SMYD2: variants seen among roughly 807,000 people sequenced by gnomAD.
SMYD2 encodes the protein N-lysine methyltransferase SMYD2.
A neutral mutation model predicts 59.1 loss-of-function variants in SMYD2; 53 were observed. The ratio of observed to expected loss-of-function variants is 0.90; its 90% confidence interval spans 0.72 to 1.13. The LOEUF is 1.13. SMYD2 is among the 50% of genes most tolerant of loss of function. The pLI is 0.00. For synonymous variants in SMYD2, 208 were observed against 198.8 expected (o/e 1.05, Z -0.39); for missense variants, 494 against 544.7 (o/e 0.91, Z 0.93).
chr1:214,336,233 T>C (rs1219432566), intron 11 of SMYD2, among the ~76,000 whole-genome samples: 3 of 152,090 alleles, frequency 2.0e-5, no homozygotes, highest in Non-Finnish European at 2.9e-5. Flanking sequence ...GTCTTCTCCT[T>C]TTTTAAAAAA....
intron 1 of SMYD2, among the ~76,000 whole-genome samples, chr1:214,297,833 T>C (rs1656758683): frequency 6.6e-6 from 1 of 152,230 alleles, no homozygotes; most frequent in Non-Finnish European, 1.5e-5. Context: ...TTTTCTTCTC[T>C]GCTCTGAAGG....
At chr1:214,315,153 AC>A (rs757604125) in intron 3 of SMYD2, among the ~76,000 whole-genome samples, 1 of 152,204 alleles carries the variant, frequency 6.6e-6, no homozygotes, top group Non-Finnish European at 1.5e-5. Context: ...GAAATACGTG[AC>A]ATGAAAAGCC....
Position 214,318,745 on chromosome 1 carries a change from T to TG in SMYD2, c.410-111dup. The TG allele has an allele frequency of 1.6e-5, 20 of 1,263,136 alleles. No individual in the cohort carries two copies. The South Asian group carries it at 2.2e-4, about 14-fold the overall frequency. The allele number at this position is 1,263,136 out of a possible 1,614,324, so 78.2% of individuals were successfully genotyped here. A position where few individuals can be genotyped will look rare whatever the true frequency, so the allele number is the denominator to read the frequency against. ...CTCTGGGGGTTCAACATGTTAGTTT[T>TG]GGGTTTTTTTTTTTTCGCCCGTTCC... On this transcript the variant is annotated intron_variant, in intron 4 of 11. Coordinates refer to ENST00000366957, the MANE Select transcript of SMYD2 (RefSeq NM_020197.3). The surrounding 1 kb of genome is among the most constrained non-coding windows in gnomAD (Gnocchi z 5.4).
intron 5 of SMYD2, among the ~76,000 whole-genome samples, chr1:214,322,849 G>A (rs776232547): frequency 6.6e-6 from 1 of 152,158 alleles, no homozygotes; most frequent in Non-Finnish European, 1.5e-5. Context: ...TAGTGATATT[G>A]CGGATTTATG....
intron 2 of SMYD2, among the ~76,000 whole-genome samples, chr1:214,308,506 G>A (rs1222067561): frequency 6.6e-6 from 1 of 152,192 alleles, no homozygotes; most frequent in African/African-American, 2.4e-5. Context: ...TTAAGGGAGT[G>A]CTTGCATGGG....
intron 1 of SMYD2, among the ~76,000 whole-genome samples, chr1:214,286,468 T>TA (rs1040964751): frequency 5.3e-5 from 8 of 151,334 alleles, no homozygotes; most frequent in Non-Finnish European, 8.8e-5. Flanking sequence ...CCCTGTCTCT[T>TA]AAAAAAAATA....
chr1:214,317,969 C>A lies in SMYD2; in HGVS notation c.349-110C>A. On this transcript the variant is annotated intron_variant, in intron 3 of 11. Coordinates refer to ENST00000366957, the MANE Select transcript of SMYD2 (RefSeq NM_020197.3). ...AGTCCTTGAGTAGCTTGTTTTACTT[C>A]CTTAAGAATTGTTACTTTTTCTTTA... The A allele has an allele frequency of 5.7e-6, 6 of 1,045,756 alleles. No individual in the cohort carries two copies. The South Asian group carries it at 6.5e-5, about 11-fold the overall frequency. 64.8% of individuals were successfully genotyped at this position (1,045,756 alleles called of 1,614,324 possible). A position where few individuals can be genotyped will look rare whatever the true frequency, so the allele number is the denominator to read the frequency against.
At chr1:214,311,907 T>A (rs1322934185) in intron 2 of SMYD2, among the ~76,000 whole-genome samples, 1 of 152,114 alleles carries the variant, frequency 6.6e-6, no homozygotes, top group Non-Finnish European at 1.5e-5. Context: ...CTATAGTTGT[T>A]AATGATCCAT....
At chr1:214,334,459 C>A (rs1392395600) in intron 11 of SMYD2, 151 bp downstream of exon 11, 1 of 694,030 alleles carries the variant, frequency 1.4e-6, no homozygotes, top group Admixed American at 2.5e-5. Flanking sequence ...GGGGTGGGTC[C>A]TGCAGGTGAG....
chr1:214,322,759 C>T (rs1185106410), intron 5 of SMYD2, among the ~76,000 whole-genome samples: 1 of 152,164 alleles, frequency 6.6e-6, no homozygotes, highest in African/African-American at 2.4e-5. Context: ...TTTACATATC[C>T]TTGAGCAAGT....
chr1:214,314,734 TTAA>T (rs773812118), intron 2 of SMYD2, 25 bp from the exon 3 acceptor site: 1 of 1,562,066 alleles, frequency 6.4e-7, no homozygotes, highest in Non-Finnish European at 8.8e-7. Flanking sequence ...GTGCTATTTT[TTAA>T]TAATGTTTTT....
At chr1:214,315,430 AAG>A (rs1657069683) in intron 3 of SMYD2, among the ~76,000 whole-genome samples, 1 of 152,318 alleles carries the variant, frequency 6.6e-6, no homozygotes, top group African/African-American at 2.4e-5. Flanking sequence ...TAAAAAAAAA[AAG>A]TGAAGAAGAA....
At chr1:214,315,770 A>G (rs1657075916) in intron 3 of SMYD2, among the ~76,000 whole-genome samples, 1 of 152,226 alleles carries the variant, frequency 6.6e-6, no homozygotes, top group Non-Finnish European at 1.5e-5. Context: ...CAAGGATGCT[A>G]TGCAAATCTG....
rs113600849 is a variant in SMYD2 at position 214,334,084 on chromosome 1, C to A, written c.1113-116C>A. The A allele has an allele frequency of 3.8e-3, 3,118 of 831,386 alleles. 101 individuals are homozygous for A. In the South Asian group the frequency reaches 0.048, roughly 13 times the overall value. 51.5% of individuals were successfully genotyped at this position (831,386 alleles called of 1,614,324 possible). On this transcript the variant is annotated intron_variant, in intron 10 of 11. Coordinates refer to ENST00000366957, the MANE Select transcript of SMYD2 (RefSeq NM_020197.3). ...AAACCCTGGTGGGATTTGGAGAGGC[C>A]GCTGGTGGGCAGAGGTTGGCCCTAA...
rs1553254476 is a variant in SMYD2 at position 214,299,465 on chromosome 1, T to TATATATATATATATATATA, written c.174-5722_174-5721insATATATATATATATATATA. On this transcript the variant is annotated intron_variant, in intron 1 of 11. Transcript: ENST00000366957. ...AACAGTGAACTGGATAAAGAAAACA[T>TATATATATATATATATATA]TATATATATATATATATACACCATA... Among the ~76,000 whole-genome samples, 46 of 71,570 alleles carry TATATATATATATATATATA rather than the reference T, an allele frequency of 6.4e-4. 1 individual carries two copies. The highest frequency in any genetic ancestry group is 2.1e-3 in the South Asian group (5 of 2,426). 47.0% of individuals were successfully genotyped at this position (71,570 alleles called of 152,430 possible). A position where few individuals can be genotyped will look rare whatever the true frequency, so the allele number is the denominator to read the frequency against.
At chr1:214,297,028 A>G (rs1224622348) in intron 1 of SMYD2, among the ~76,000 whole-genome samples, 2 of 152,244 alleles carry the variant, frequency 1.3e-5, no homozygotes, top group African/African-American at 2.4e-5. Context: ...AGAAAAATCT[A>G]AACAATCTGC....
In SMYD2 at chr1:214,324,683, C is replaced by A; in HGVS notation, c.577C>A (p.His193Asn). The A allele has an allele frequency of 6.2e-7, 1 of 1,613,238 alleles. No individual in the cohort carries two copies. Among genetic ancestry groups the A allele is most frequent in the South Asian group, 1.1e-5 (1 of 90,766 alleles). Residue 193 changes from histidine to asparagine, a missense_variant, in exon 6 of 12, where the codon CAT becomes AAT. Transcript: ENST00000366957. ...GFTIEDEELS[H>N]LGSAIFPDVA... is the part of the protein sequence containing the mutation. ...CACAATTGAAGATGAAGAACTTTCT[C>A]ATTTGGGATCAGCGATATTTCCTGA...
intron 6 of SMYD2, among the ~76,000 whole-genome samples, chr1:214,326,212 T>C (rs1657258819): frequency 7.2e-6 from 1 of 138,394 alleles, no homozygotes; most frequent in African/African-American, 2.8e-5. Flanking sequence ...CACTCCAGCC[T>C]GGACAACAAA....
intron 9 of SMYD2, chr1:214,331,314 C>T: frequency 2.2e-6 from 1 of 461,506 alleles, no homozygotes; most frequent in Non-Finnish European, 3.9e-6. Context: ...TGGTGGAGGA[C>T]CATGAAGGAC....
Sources: gnomAD v4.1 joint callset for allele counts (sites outside exome capture counted in the v4.1 genomes callset) on GRCh38, gnomAD v4.1.1 for gene constraint, Gnocchi (gnomAD v3.1) non-coding constraint, MANE v1.5 for transcripts, NCBI Gene and HGNC (gene_info 2026-07-23, HGNC 2026-07-21) for gene names.